SLF2: variants seen among roughly 807,000 people sequenced by gnomAD.
SLF2 encodes the protein SMC5-SMC6 complex localization factor protein 2.
Under a neutral mutation model 124.3 loss-of-function variants are expected in SLF2, and 68 were observed. The ratio of observed to expected loss-of-function variants is 0.55; its 90% CI spans 0.45 to 0.67. SLF2 has a LOEUF of 0.67. Ranked by LOEUF, SLF2 falls within the 30% of genes least tolerant of loss-of-function variation. The probability of loss-of-function intolerance (pLI) is 0.00; values close to 1 mark genes in which losing one functional copy is unlikely to be tolerated. For missense variants in SLF2, 1,246 were observed against 1,373.7 expected (o/e 0.91, Z 1.47); for synonymous variants, 480 against 478.8 (o/e 1.00, Z -0.03).
intron 6 of SLF2, among the ~76,000 whole-genome samples, chr10:100,929,017 C>G (rs147662671): frequency 8.3e-4 from 126 of 152,294 alleles, no homozygotes; most frequent in African/African-American, 2.9e-3. Flanking sequence ...GTGGTTTGGA[C>G]AGATCATTCT....
chr10:100,928,178 A>G (rs959476805), intron 6 of SLF2, among the ~76,000 whole-genome samples: 9 of 151,896 alleles, frequency 5.9e-5, no homozygotes, highest in African/African-American at 1.9e-4. Flanking sequence ...ATAAGAGGGG[A>G]AAAATATATT....
At chr10:100,934,686 C>T (rs1322796325) in intron 9 of SLF2, among the ~76,000 whole-genome samples, 2 of 151,960 alleles carry the variant, frequency 1.3e-5, no homozygotes, top group South Asian at 2.1e-4. Flanking sequence ...GATCTCTTCT[C>T]ACTGCAACCT....
chr10:100,940,608 G>A (rs1289750022), intron 11 of SLF2, among the ~76,000 whole-genome samples: 5 of 151,064 alleles, frequency 3.3e-5, no homozygotes, highest in Admixed American at 6.6e-5. Flanking sequence ...GCGATCCGCC[G>A]GCCTCAGCTT....
intron 13 of SLF2, 149 bp downstream of exon 13, chr10:100,945,655 TA>T (rs1188537941): frequency 4.7e-6 from 3 of 639,374 alleles, no homozygotes; most frequent in Non-Finnish European, 7.1e-6. Context: ...GGAGCTGTAT[TA>T]TTTAAATTCG....
intron 5 of SLF2, 132 bp from the exon 6 acceptor site, chr10:100,925,817 C>T: frequency 1.2e-6 from 1 of 867,920 alleles, no homozygotes; most frequent in Non-Finnish European, 1.7e-6. Context: ...GAAAATTATC[C>T]TTTAAGAAAG....
chr10:100,959,122 C>T (rs369471544), intron 18 of SLF2, among the ~76,000 whole-genome samples: 6 of 152,102 alleles, frequency 3.9e-5, no homozygotes, highest in Non-Finnish European at 5.9e-5. Context: ...CAAAAGCCAG[C>T]GAGTTAAAGT....
chr10:100,950,199 G>A lies in SLF2; in HGVS notation c.3244G>A (p.Glu1082Lys). The A allele has an allele frequency of 6.2e-7, 1 of 1,613,178 alleles. No homozygotes were observed. Among genetic ancestry groups the A allele is most frequent in the Non-Finnish European group, 8.5e-7 (1 of 1,179,634 alleles). ...TGATGACAGTCTTCATTTAGAACTTGAAAAGCAGGTATCCAGTGCTAGAAG... is the reference window on the plus strand; with the variant it reads ...TGATGACAGTCTTCATTTAGAACTTAAAAAGCAGGTATCCAGTGCTAGAAG... ...IIDDSLHLELEKQAYYLTYIL... is the reference protein window; with the variant it reads ...IIDDSLHLELKKQAYYLTYIL... Residue 1082 changes from glutamate to lysine, a missense_variant, in exon 16 of 20, where the codon GAA becomes AAA. By Grantham distance (56) the Glu-to-Lys change is moderately conservative (BLOSUM62 1). Coordinates refer to ENST00000238961, the MANE Select transcript of SLF2 (RefSeq NM_018121.4).
At chr10:100,935,098 G>C (rs1363748973) in intron 9 of SLF2, among the ~76,000 whole-genome samples, 1 of 151,816 alleles carries the variant, frequency 6.6e-6, no homozygotes. Flanking sequence ...AAATTGTCTT[G>C]TAAAAAGTTA....
In SLF2 at chr10:100,915,980, A is replaced by G; in HGVS notation, c.141-19A>G. On this transcript the variant is annotated intron_variant, in intron 1 of 19. Coordinates refer to ENST00000238961, the MANE Select transcript of SLF2 (RefSeq NM_018121.4). Reference sequence around the variant, plus strand: ...TTAATATTTGCTTATATGATGCCATATTATGCTTTTATTTTCAGGAAGCAG... The same window carrying G: ...TTAATATTTGCTTATATGATGCCATGTTATGCTTTTATTTTCAGGAAGCAG... 2 of 1,590,004 alleles carry G rather than the reference A, an allele frequency of 1.3e-6. No homozygotes were observed. The highest frequency in any genetic ancestry group is 1.7e-6 in the Non-Finnish European group (2 of 1,159,770).
At chr10:100,920,242 A>T (rs1187393162) in intron 4 of SLF2, among the ~76,000 whole-genome samples, 2 of 152,248 alleles carry the variant, frequency 1.3e-5, no homozygotes, top group Non-Finnish European at 2.9e-5. Context: ...ATATTATTTT[A>T]TATAAGGGGC....
rs528512219 is a variant in SLF2 at position 100,919,001 on chromosome 10, CTTTTTTTTTTTTTTTTT to C, written c.973+573_973+589del. Among the ~76,000 whole-genome samples the C allele has an allele frequency of 6.1e-4, 64 of 105,686 alleles. 2 individuals carry two copies. Among genetic ancestry groups the C allele is most frequent in the East Asian group, 4.0e-3 (8 of 1,976 alleles). 69.3% of individuals were successfully genotyped at this position (105,686 alleles called of 152,430 possible). ...CCTTGGCTACATCAGGAAACATAAT[CTTTTTTTTTTTTTTTTT>C]TTTTTTTTTTTTGAGACAGAGTCTC... On this transcript the variant is annotated intron_variant, in intron 4 of 19. Transcript: ENST00000238961.
Position 100,944,076 on chromosome 10 carries a change from A to T in SLF2, c.2705A>T (p.Tyr902Phe), listed in dbSNP as rs1850037689. 2.5e-6 allele frequency: 4 copies of T among 1,613,136 alleles called. No homozygotes were observed. The East Asian group carries it at 8.9e-5, about 36-fold the overall frequency. The change falls in exon 12 of 20, where the codon TAT becomes TTT. Residue 902 changes from tyrosine to phenylalanine, a missense_variant. Coordinates refer to ENST00000238961, the MANE Select transcript of SLF2 (RefSeq NM_018121.4). ...GGGAAAGAAAGTGAAGATTCATCTT[A>T]TAAGCCAATTTTTTCAACACTTCCT... is the stretch of plus-strand genomic sequence containing the variant. ...SRGKESEDSS[Y>F]KPIFSTLPET...
At chr10:100,960,995 C>CTTTT (rs1554881638) in intron 19 of SLF2, among the ~76,000 whole-genome samples, 2 of 54,444 alleles carry the variant, frequency 3.7e-5, no homozygotes, top group Non-Finnish European at 7.3e-5. Flanking sequence ...ATATTCTGTA[C>CTTTT]TTCTTTTTTT....
chr10:100,913,633 C>G, intron 1 of SLF2: 15 of 1,066,064 alleles, frequency 1.4e-5, no homozygotes, highest in South Asian at 4.5e-5. Context: ...TAAACCTTTT[C>G]TATGTTGTGG....
chr10:100,955,936 G>T (rs1427597496), intron 17 of SLF2, among the ~76,000 whole-genome samples: 1 of 151,756 alleles, frequency 6.6e-6, no homozygotes, highest in Admixed American at 6.6e-5. Context: ...GGGCACGGTG[G>T]TGCATGCCTG....
chr10:100,917,942 C>A (rs1029257066), intron 3 of SLF2, among the ~76,000 whole-genome samples: 1 of 148,054 alleles, frequency 6.8e-6, no homozygotes, highest in African/African-American at 2.4e-5. Context: ...AAATAAATAA[C>A]CAGTCATGGT....
At chr10:100,944,678 A>G (rs540972580) in intron 12 of SLF2, among the ~76,000 whole-genome samples, 67 of 152,280 alleles carry the variant, frequency 4.4e-4, no homozygotes, top group African/African-American at 1.5e-3. Context: ...ATAGTTTTTT[A>G]TAAGTAGGAT....
intron 18 of SLF2, among the ~76,000 whole-genome samples, chr10:100,958,147 A>G (rs1850367213): frequency 6.6e-6 from 1 of 152,248 alleles, no homozygotes; most frequent in Non-Finnish European, 1.5e-5. Context: ...ATAATGTAAT[A>G]CAATGCTGAT....
chr10:100,958,745 G>C (rs1269860178), intron 18 of SLF2, among the ~76,000 whole-genome samples: 3 of 152,214 alleles, frequency 2.0e-5, no homozygotes, highest in Non-Finnish European at 4.4e-5. Flanking sequence ...ATTTAAAGCT[G>C]CTATAAAATT....
Sources: allele counts gnomAD v4.1 joint callset (sites outside exome capture counted in the v4.1 genomes callset), GRCh38; gene constraint gnomAD v4.1.1; transcripts MANE v1.5; gene names NCBI Gene and HGNC (gene_info 2026-07-23, HGNC 2026-07-21).